The following PCNX2 variants were observed in gnomAD, a reference collection of about 807,000 sequenced individuals.
PCNX2 encodes pecanex-like protein 2.
A neutral mutation model predicts 223.8 loss-of-function variants in PCNX2; 168 were observed. That is an observed-to-expected ratio of 0.75 (90% confidence interval 0.66 to 0.85). PCNX2 has a LOEUF of 0.85. Ranked by LOEUF, PCNX2 falls within the 40% of genes least tolerant of loss-of-function variation. PCNX2 has a pLI of 0.00. For missense variants in PCNX2, 2,507 were observed against 2,675.5 expected, an observed-to-expected ratio of 0.94 and a Z score of 1.39; for synonymous variants, 1,006 against 1,052.6, an observed-to-expected ratio of 0.96 and a Z score of 0.86.
intron 23 of PCNX2, among the ~76,000 whole-genome samples, chr1:233,073,830 T>C (rs1242201725): frequency 6.6e-6 from 1 of 152,180 alleles, no homozygotes; most frequent in African/African-American, 2.4e-5. Context: ...TTGCCCAGGC[T>C]GGTGGTATTA....
chr1:233,144,970 CTTT>C (rs71173253), intron 19 of PCNX2, among the ~76,000 whole-genome samples: 3 of 113,508 alleles, frequency 2.6e-5, no homozygotes, highest in Non-Finnish European at 5.0e-5. Context: ...TTTTTTGTTT[CTTT>C]TTTTTTTTTG....
intron 17 of PCNX2, among the ~76,000 whole-genome samples, chr1:233,165,267 T>C (rs1678723010): frequency 6.6e-6 from 1 of 152,232 alleles, no homozygotes. Context: ...CATAGTCTTG[T>C]CAATAGTTTT....
chr1:233,044,556 T>A (rs1374857356), intron 25 of PCNX2, among the ~76,000 whole-genome samples: 1 of 151,992 alleles, frequency 6.6e-6, no homozygotes. Flanking sequence ...TCAAGAGCAG[T>A]GGGGGCACTA....
intron 28 of PCNX2, among the ~76,000 whole-genome samples, chr1:233,012,641 C>A (rs1670509571): frequency 6.6e-6 from 1 of 151,410 alleles, no homozygotes. Context: ...TCCATCAAAA[C>A]AAAGTTTAAA....
intron 26 of PCNX2, among the ~76,000 whole-genome samples, chr1:233,020,107 A>T (rs532795730): frequency 6.6e-6 from 1 of 152,322 alleles, no homozygotes; most frequent in African/African-American, 2.4e-5. Context: ...AAACAACCCC[A>T]CAACCGATGA....
intron 23 of PCNX2, among the ~76,000 whole-genome samples, chr1:233,066,579 G>C (rs185001300): frequency 6.6e-6 from 1 of 152,208 alleles, no homozygotes; most frequent in Non-Finnish European, 1.5e-5. Context: ...GCAGCAGCCT[G>C]TGTGCCTGGC....
chr1:233,029,312 C>G (rs1038271429), intron 25 of PCNX2, among the ~76,000 whole-genome samples: 3 of 152,078 alleles, frequency 2.0e-5, no homozygotes, highest in African/African-American at 7.2e-5. Context: ...TGATATAAGA[C>G]ATTACAATGG....
chr1:233,087,401 T>C (rs1203372624), intron 23 of PCNX2, among the ~76,000 whole-genome samples: 2 of 152,126 alleles, frequency 1.3e-5, no homozygotes, highest in Non-Finnish European at 2.9e-5. Context: ...GCGGCCCTTT[T>C]AAAGTGATGG....
At position 233,105,453 on chromosome 1, in the gene PCNX2, A is replaced by G. The variant is rs141880019; in HGVS notation, c.3838-9590T>C. ...TGCAATAAACACTGTATTTAGCAAT[A>G]GAATTTCAGGATTATTCAGACAAGA... is the stretch of plus-strand genomic sequence containing the variant. On this transcript the variant is annotated intron_variant, in intron 21 of 33. Coordinates refer to ENST00000258229, the MANE Select transcript of PCNX2 (RefSeq NM_014801.4). Among the ~76,000 whole-genome samples the G allele has an allele frequency of 2.4e-3, 372 of 152,368 alleles. 1 individual carries two copies. The highest frequency in any genetic ancestry group is 8.2e-3 in the African/African-American group (339 of 41,594).
intron 1 of PCNX2, among the ~76,000 whole-genome samples, chr1:233,278,787 G>A (rs1661037490): frequency 6.6e-6 from 1 of 152,098 alleles, no homozygotes; most frequent in African/African-American, 2.4e-5. Context: ...ATCTACTCTG[G>A]GTGGCAGAGA....
intron 25 of PCNX2, chr1:233,032,930 T>C (rs1202767844): frequency 1.1e-6 from 1 of 938,346 alleles, no homozygotes; most frequent in South Asian, 4.9e-5. Context: ...AAAAAGAATA[T>C]GAAAATAATA....
chr1:233,192,333 C>T (rs115827662), intron 15 of PCNX2, among the ~76,000 whole-genome samples: 2,751 of 152,120 alleles, frequency 0.018, 84 homozygotes, highest in African/African-American at 0.062. Context: ...GAAGGTCAGC[C>T]CAGTGTTGCC....
intron 2 of PCNX2, among the ~76,000 whole-genome samples, chr1:233,262,591 T>TCAAC (rs1660113005): frequency 6.6e-6 from 1 of 152,226 alleles, no homozygotes; most frequent in Non-Finnish European, 1.5e-5. Flanking sequence ...CTATGTAATG[T>TCAAC]ATTACTTTTA....
At position 233,263,137 on chromosome 1, in the gene PCNX2, T is replaced by C; in HGVS notation, c.180A>G (p.Val60=). Residue 60 remains valine, a synonymous_variant, in exon 2 of 34, where the codon GTA becomes GTG. Transcript: ENST00000258229. ...TAGTCACTGCACTGCAGTAGAAAAA[T>C]ACAATGATCGCATTTGGAGGAAAAG... ...HLAFPPNAII[V]FFYCSAVTIF... 2 of 1,611,014 alleles carry C rather than the reference T, an allele frequency of 1.2e-6. No individual in the cohort carries two copies. Among genetic ancestry groups the C allele is most frequent in the East Asian group, 2.2e-5 (1 of 44,750 alleles).
chr1:233,235,153 A>AAGG (rs1221246262), intron 9 of PCNX2, among the ~76,000 whole-genome samples: 6 of 152,148 alleles, frequency 3.9e-5, no homozygotes, highest in Admixed American at 6.5e-5. Context: ...AGGCCCTGGA[A>AAGG]AGGAGGAGGA....
At chr1:233,038,419 T>A (rs7525846) in intron 25 of PCNX2, among the ~76,000 whole-genome samples, 2,030 of 152,152 alleles carry the variant, frequency 0.013, 53 homozygotes, top group African/African-American at 0.047. Context: ...TTTTCTCCCA[T>A]GAATTTTTGT....
At chr1:233,151,681 TA>T (rs1327392805) in intron 19 of PCNX2, among the ~76,000 whole-genome samples, 7 of 149,740 alleles carry the variant, frequency 4.7e-5, no homozygotes, top group Non-Finnish European at 7.3e-5. Flanking sequence ...TTTATTTATT[TA>T]TTTATTTTTG....
chr1:233,248,658 C>T (rs1659270400), intron 8 of PCNX2, among the ~76,000 whole-genome samples: 2 of 152,050 alleles, frequency 1.3e-5, no homozygotes, highest in Non-Finnish European at 2.9e-5. Context: ...CCGCAAAATC[C>T]CCACTTTGCT....
At chr1:233,305,345 A>G in the PCNX2 span, among the ~76,000 whole-genome samples, 1 of 152,254 alleles carries the variant, frequency 6.6e-6, no homozygotes, top group Admixed American at 6.5e-5. Flanking sequence ...GTTTTTATAT[A>G]ATATTGAAAT....
Sources: gnomAD v4.1 joint callset for allele counts (sites outside exome capture counted in the v4.1 genomes callset) on GRCh38, gnomAD v4.1.1 for gene constraint, MANE v1.5 for transcripts, NCBI Gene and HGNC (gene_info 2026-07-23, HGNC 2026-07-21) for gene names.